Variants in ROCK2 observed in about 807,000 individuals in gnomAD.
ROCK2 encodes Rho associated coiled-coil containing protein kinase 2.
In ROCK2, 61 loss-of-function variants were observed where a neutral mutation model predicts 195.1. The observed-to-expected ratio is 0.31, with a 90% CI of 0.25 to 0.39. The LOEUF (loss-of-function observed/expected upper bound fraction) is 0.39, where lower values mean the gene tolerates loss of function less well. Among genes scored for constraint, ROCK2 ranks in the 10% least tolerant of loss-of-function variants. ROCK2 has a pLI of 1.00. For missense variants in ROCK2, 1,109 were observed against 1,637.4 expected (o/e 0.68, Z 5.57); for synonymous variants, 504 against 545.5 (o/e 0.92, Z 1.06).
chr2:11,236,572 G>C (rs1488704684), intron 4 of ROCK2, among the ~76,000 whole-genome samples: 1 of 152,158 alleles, frequency 6.6e-6, no homozygotes. Context: ...ATTGGGACCA[G>C]AGAAAGAAGA....
intron 4 of ROCK2, among the ~76,000 whole-genome samples, chr2:11,246,572 T>C (rs1207147405): frequency 6.6e-6 from 1 of 152,128 alleles, no homozygotes; most frequent in Non-Finnish European, 1.5e-5. Flanking sequence ...AATAAAAGTT[T>C]TTAAAATATG....
chr2:11,256,142 C>T (rs952970466), intron 3 of ROCK2, among the ~76,000 whole-genome samples: 1 of 150,610 alleles, frequency 6.6e-6, no homozygotes, highest in East Asian at 1.9e-4. Flanking sequence ...GATTAAAAAG[C>T]AATTATAGTT....
chr2:11,198,668 T>G lies in ROCK2; in HGVS notation c.3004+13A>C, dbSNP rs1558283411. The G allele has an allele frequency of 6.3e-7, 1 of 1,583,534 alleles. No homozygotes were observed. Among genetic ancestry groups the G allele is most frequent in the East Asian group, 2.2e-5 (1 of 44,640 alleles). On this transcript the variant is annotated intron_variant, in intron 24 of 32. Transcript: ENST00000315872. ...AGGTATATTAAAAATAAACATTTTT[T>G]GTTAATACATACGCTCTTGAACATC... is the stretch of plus-strand genomic sequence containing the variant.
chr2:11,241,940 C>T (rs1665441868), intron 4 of ROCK2, among the ~76,000 whole-genome samples: 1 of 152,104 alleles, frequency 6.6e-6, no homozygotes, highest in African/African-American at 2.4e-5. Flanking sequence ...AACATGAAGT[C>T]AGCCATCATA....
rs59721285 is a variant in ROCK2, at chr2:11,335,108, TACACACACACACACACACACACACACAC to T, written c.141+8860_141+8887del. Among the ~76,000 whole-genome samples the T allele has an allele frequency of 8.3e-5, 12 of 145,126 alleles. 1 individual carries two copies. In the South Asian group the frequency reaches 2.7e-3, roughly 32 times the overall value. ...AATCCAAATAGTTCCCTTTGACTGA[TACACACACACACACACACACACACACAC>T]ACACACACACACAGACACACACACG... On this transcript the variant is annotated intron_variant, in intron 1 of 32. Coordinates refer to ENST00000315872, the MANE Select transcript of ROCK2 (RefSeq NM_004850.5).
chr2:11,239,113 C>A (rs1007522102), intron 4 of ROCK2, among the ~76,000 whole-genome samples: 1 of 151,688 alleles, frequency 6.6e-6, no homozygotes, highest in Admixed American at 6.6e-5. Flanking sequence ...CTACAAAAAT[C>A]TTAAAAAAAC....
chr2:11,315,796 A>G (rs1170309900), intron 1 of ROCK2, among the ~76,000 whole-genome samples: 1 of 152,124 alleles, frequency 6.6e-6, no homozygotes, highest in Non-Finnish European at 1.5e-5. Flanking sequence ...AGCCATAAGT[A>G]CATTATTAAA....
chr2:11,308,772 G>A, intron 1 of ROCK2: 1 of 1,612,474 alleles, frequency 6.2e-7, no homozygotes, highest in South Asian at 1.1e-5. Context: ...CCTAAAAAAA[G>A]GTTTACCAGC....
chr2:11,311,168 T>G (rs1322920096), intron 1 of ROCK2, among the ~76,000 whole-genome samples: 1 of 152,130 alleles, frequency 6.6e-6, no homozygotes, highest in African/African-American at 2.4e-5. Flanking sequence ...ATCTGGAGAT[T>G]TCTATCTCTA....
chr2:11,200,304 T>C (rs1356739356), intron 23 of ROCK2, among the ~76,000 whole-genome samples: 1 of 152,228 alleles, frequency 6.6e-6, no homozygotes. Context: ...CTTAAAATTT[T>C]TATTTTTCAT....
chr2:11,194,240 T>C lies in ROCK2; in HGVS notation c.3608+16A>G. The C allele has an allele frequency of 8.7e-7, 1 of 1,153,052 alleles. No individual in the cohort carries two copies. The highest frequency in any genetic ancestry group is 1.2e-6 in the Non-Finnish European group (1 of 819,980). 71.4% of individuals were successfully genotyped at this position (1,153,052 alleles called of 1,614,324 possible). On this transcript the variant is annotated intron_variant, in intron 29 of 32. Coordinates refer to ENST00000315872, the MANE Select transcript of ROCK2 (RefSeq NM_004850.5). ...TAAAAGATATAGTTTCTAAATATTC[T>C]AACAAAAACACTTACTCTATATCTA... is the stretch of plus-strand genomic sequence containing the variant.
At chr2:11,232,222 G>C (rs1665041224) in intron 5 of ROCK2, among the ~76,000 whole-genome samples, 1 of 151,778 alleles carries the variant, frequency 6.6e-6, no homozygotes, top group East Asian at 1.9e-4. Flanking sequence ...TCCACCCCCT[G>C]GGTTCAAGCA....
rs540092028 is a variant in ROCK2, at chr2:11,313,845, C to T, written c.142-26109G>A. 2.6e-5 allele frequency among the ~76,000 whole-genome samples: 4 copies of T among 151,910 alleles called. No homozygotes were observed. In the South Asian group the frequency reaches 8.3e-4, roughly 31 times the overall value. On this transcript the variant is annotated intron_variant, in intron 1 of 32. Transcript: ENST00000315872. Reference sequence around the variant, plus strand: ...GAGAGAAAATAACCTAATTTTTCCTCTCAAATATTTAAACAACTTTTAAAA... The same window carrying T: ...GAGAGAAAATAACCTAATTTTTCCTTTCAAATATTTAAACAACTTTTAAAA...
chr2:11,322,334 A>T lies in ROCK2; in HGVS notation c.141+21662T>A, dbSNP rs189222200. 6.3e-4 allele frequency among the ~76,000 whole-genome samples: 96 copies of T among 152,050 alleles called. No individual in the cohort carries two copies. In the South Asian group the frequency reaches 8.5e-3, roughly 13 times the overall value. On this transcript the variant is annotated intron_variant, in intron 1 of 32. Transcript: ENST00000315872. ...AGTTTTTTAAAAAGAATAAGAAAAA[A>T]TAAAGTTAAGAAATCAAGGTATCAC... is the stretch of plus-strand genomic sequence containing the variant.
At chr2:11,220,013 T>TTTG (rs146777252) in intron 9 of ROCK2, among the ~76,000 whole-genome samples, 57 of 151,848 alleles carry the variant, frequency 3.8e-4, no homozygotes, top group Admixed American at 9.8e-4. Context: ...ATCTGGCTTT[T>TTTG]TTGTTGTTGT....
At chr2:11,276,810 C>T (rs1666843173) in intron 3 of ROCK2, among the ~76,000 whole-genome samples, 1 of 151,832 alleles carries the variant, frequency 6.6e-6, no homozygotes, top group African/African-American at 2.4e-5. Context: ...CATATATATG[C>T]ACAAAATGAA....
upstream of ROCK2, among the ~76,000 whole-genome samples, chr2:11,345,330 G>A (rs2148288751): frequency 6.6e-6 from 1 of 152,260 alleles, no homozygotes; most frequent in African/African-American, 2.4e-5. Flanking sequence ...AGGCCTTCGC[G>A]GGGTCTTCTC....
intron 1 of ROCK2, among the ~76,000 whole-genome samples, chr2:11,298,390 A>C (rs1456953226): frequency 6.8e-6 from 1 of 146,884 alleles, no homozygotes; most frequent in Admixed American, 7.0e-5. Flanking sequence ...GCATCACTTG[A>C]GCCTGGGAGG....
At chr2:11,304,644 T>C (rs1448079382) in intron 1 of ROCK2, among the ~76,000 whole-genome samples, 1 of 152,226 alleles carries the variant, frequency 6.6e-6, no homozygotes, top group East Asian at 1.9e-4. Context: ...TCCCATTTCA[T>C]TGAGAGTAAA....
Sources: gnomAD v4.1 joint callset for allele counts (sites outside exome capture counted in the v4.1 genomes callset) on GRCh38, gnomAD v4.1.1 for gene constraint, MANE v1.5 for transcripts, NCBI Gene and HGNC (gene_info 2026-07-23, HGNC 2026-07-21) for gene names.